The following OR3A2 variants were observed in gnomAD, a reference collection of about 807,000 sequenced individuals.
OR3A2 encodes olfactory receptor 3A2.
For synonymous variants in OR3A2, 126 were observed against 159.3 expected, an observed-to-expected ratio of 0.79 and a Z score of 1.57; for missense variants, 318 against 392.8, an observed-to-expected ratio of 0.81 and a Z score of 1.61.
intron 2 of OR3A2, among the ~76,000 whole-genome samples, chr17:3,367,082 A>G (rs568735857): frequency 5.2e-4 from 79 of 152,326 alleles, no homozygotes; most frequent in Middle Eastern, 3.4e-3. Context: ...AGGAAATATG[A>G]ATGCCAGTCC....
At chr17:3,366,267 A>G (rs2049562466) in intron 2 of OR3A2, among the ~76,000 whole-genome samples, 1 of 152,154 alleles carries the variant, frequency 6.6e-6, no homozygotes, top group Non-Finnish European at 1.5e-5. Flanking sequence ...TCTCATTTTC[A>G]TATTAATCTG....
Position 3,357,810 on chromosome 17 carries a change from T to C in OR3A2, c.-178-21684A>G, listed in dbSNP as rs149227038. Among the ~76,000 whole-genome samples, 444 of 151,730 alleles carry C rather than the reference T, an allele frequency of 2.9e-3. 18 individuals are homozygous for C. The highest frequency in any genetic ancestry group is 0.017 in the Middle Eastern group (5 of 294). On this transcript the variant is annotated intron_variant, in intron 2 of 4. Coordinates refer to the OR3A2 transcript ENST00000573491. ...TGAAGCAATCCTCCTGCCTTGGCCTTCCAGAAGTGCTGGGATTAAAGATGT... is the reference window on the plus strand; with the variant it reads ...TGAAGCAATCCTCCTGCCTTGGCCTCCCAGAAGTGCTGGGATTAAAGATGT...
intron 3 of OR3A2, among the ~76,000 whole-genome samples, chr17:3,308,645 G>C (rs945306903): frequency 1.3e-5 from 2 of 152,180 alleles, no homozygotes; most frequent in African/African-American, 4.8e-5. Context: ...AAGAAGGACG[G>C]TTCTGATTTG....
At chr17:3,334,786 G>A (rs1021158832) in intron 3 of OR3A2, among the ~76,000 whole-genome samples, 1 of 152,184 alleles carries the variant, frequency 6.6e-6, no homozygotes, top group African/African-American at 2.4e-5. Flanking sequence ...TATTTCTAGA[G>A]AAGAGTGTCA....
At chr17:3,315,044 T>A (rs1259344755) in intron 3 of OR3A2, among the ~76,000 whole-genome samples, 1 of 152,244 alleles carries the variant, frequency 6.6e-6, no homozygotes, top group African/African-American at 2.4e-5. Flanking sequence ...TGCATAGTAT[T>A]CCATAGTGTA....
chr17:3,375,112 T>C (rs1041455967), intron 2 of OR3A2, among the ~76,000 whole-genome samples: 1 of 148,630 alleles, frequency 6.7e-6, no homozygotes, highest in African/African-American at 2.5e-5. Context: ...TTCTGAATTC[T>C]TTATCTGGCA....
rs1440460809 is a variant in OR3A2 at position 3,372,834 on chromosome 17, GAGGAGA to G, written c.-179+10964_-179+10969del. 1.7e-3 allele frequency among the ~76,000 whole-genome samples: 212 copies of G among 122,238 alleles called. 1 individual carries two copies. The highest frequency in any genetic ancestry group is 3.1e-3 in the African/African-American group (96 of 31,044). The allele number at this position is 122,238 out of a possible 152,430, so 80.2% of individuals were successfully genotyped here. A position where few individuals can be genotyped will look rare whatever the true frequency, so the allele number is the denominator to read the frequency against. On this transcript the variant is annotated intron_variant, in intron 2 of 4. Coordinates refer to the OR3A2 transcript ENST00000573491. Reference sequence around the variant, plus strand: ...CCATGGAAAGAGGGAGAGGGAGAGGGAGGAGAAGGAGAAGGAGAGGGAGAGGGAGAG... The same window carrying G: ...CCATGGAAAGAGGGAGAGGGAGAGGGAGGAGAAGGAGAGGGAGAGGGAGAG...
At chr17:3,383,074 T>C (rs2150670148) in intron 2 of OR3A2, among the ~76,000 whole-genome samples, 1 of 152,300 alleles carries the variant, frequency 6.6e-6, no homozygotes, top group South Asian at 2.1e-4. Flanking sequence ...CCTAAAAATA[T>C]GGCTCTATAA....
intron 3 of OR3A2, among the ~76,000 whole-genome samples, chr17:3,306,210 G>A (rs554901321): frequency 3.3e-5 from 5 of 152,180 alleles, no homozygotes; most frequent in Admixed American, 2.6e-4. Context: ...GAAATTCTAT[G>A]GCGCCATCAT....
At chr17:3,309,481 A>G (rs1355378100) in intron 3 of OR3A2, among the ~76,000 whole-genome samples, 3 of 152,192 alleles carry the variant, frequency 2.0e-5, no homozygotes, top group Non-Finnish European at 4.4e-5. Flanking sequence ...TCAATGAAAC[A>G]GCGTTACTTG....
chr17:3,385,878 C>T (rs996434035), intron 1 of OR3A2: 6 of 398,578 alleles, frequency 1.5e-5, no homozygotes, highest in Non-Finnish European at 2.2e-5. Context: ...TCTAGAATTT[C>T]GGCCGGCTGC....
At chr17:3,304,265 T>C (rs1413142292) in intron 3 of OR3A2, among the ~76,000 whole-genome samples, 1 of 152,120 alleles carries the variant, frequency 6.6e-6, no homozygotes, top group Non-Finnish European at 1.5e-5. Flanking sequence ...CAGATTCCAA[T>C]GCAGCCAAGG....
chr17:3,365,326 C>A (rs1428420114), intron 2 of OR3A2, among the ~76,000 whole-genome samples: 1 of 152,040 alleles, frequency 6.6e-6, no homozygotes, highest in Non-Finnish European at 1.5e-5. Context: ...ATCTGGTGAC[C>A]CAGGACTTCC....
At chr17:3,309,695 G>A (rs567150163) in intron 3 of OR3A2, among the ~76,000 whole-genome samples, 26 of 152,244 alleles carry the variant, frequency 1.7e-4, no homozygotes, top group African/African-American at 5.5e-4. Flanking sequence ...AAATGTCCTC[G>A]GTGATGTTTC....
intron 3 of OR3A2, among the ~76,000 whole-genome samples, chr17:3,321,591 CGTT>C (rs1239299212): frequency 1.3e-5 from 2 of 151,920 alleles, no homozygotes; most frequent in South Asian, 2.1e-4. Context: ...TAGCATGAAG[CGTT>C]GTTGAATTTT....
intron 3 of OR3A2, among the ~76,000 whole-genome samples, chr17:3,321,086 G>A (rs963757766): frequency 6.6e-5 from 10 of 151,978 alleles, no homozygotes; most frequent in African/African-American, 2.4e-4. Flanking sequence ...CCTTGAAGAG[G>A]TCCTTCACAT....
At chr17:3,353,283 C>G (rs1430250599) in intron 2 of OR3A2, among the ~76,000 whole-genome samples, 1 of 151,726 alleles carries the variant, frequency 6.6e-6, no homozygotes, top group Admixed American at 6.6e-5. Flanking sequence ...TAGGTTTTCC[C>G]AAATACAAAA....
intron 2 of OR3A2, among the ~76,000 whole-genome samples, chr17:3,381,006 T>C (rs531003435): frequency 3.2e-4 from 48 of 152,264 alleles, no homozygotes; most frequent in Admixed American, 4.6e-4. Flanking sequence ...GGCATCTTTG[T>C]TGGGTGTTGC....
intron 2 of OR3A2, among the ~76,000 whole-genome samples, chr17:3,368,591 T>G (rs564382915): frequency 6.6e-6 from 1 of 152,348 alleles, no homozygotes; most frequent in South Asian, 2.1e-4. Context: ...TCCATTGGTC[T>G]ACGTGTCTGT....
Sources: allele counts gnomAD v4.1 joint callset (sites outside exome capture counted in the v4.1 genomes callset), GRCh38; gene constraint gnomAD v4.1.1; transcripts MANE v1.5; gene names NCBI Gene and HGNC (gene_info 2026-07-23, HGNC 2026-07-21).